Variants in PCDH15 observed in about 807,000 individuals in gnomAD.
The protein encoded by PCDH15 is protocadherin-15.
In PCDH15, 129 loss-of-function variants were observed where a neutral mutation model predicts 178.5. The observed-to-expected ratio is 0.72, with a 90% confidence interval of 0.63 to 0.84. The LOEUF is 0.84. PCDH15 is among the 40% of genes least tolerant of loss of function. The probability of loss-of-function intolerance (pLI) is 0.00; values close to 1 mark genes in which losing one functional copy is unlikely to be tolerated. For missense variants in PCDH15, 2,230 were observed against 2,099.9 expected (o/e 1.06, Z -1.21); for synonymous variants, 800 against 732.0 (o/e 1.09, Z -1.50).
intron 21 of PCDH15, among the ~76,000 whole-genome samples, chr10:53,964,048 T>C (rs1009920761): frequency 6.6e-6 from 1 of 152,242 alleles, no homozygotes; most frequent in Non-Finnish European, 1.5e-5. Flanking sequence ...TCCTTGTTCC[T>C]GCCTCCTTGG....
At chr10:53,874,440 A>G (rs1218508425) in intron 26 of PCDH15, among the ~76,000 whole-genome samples, 1 of 152,172 alleles carries the variant, frequency 6.6e-6, no homozygotes, top group African/African-American at 2.4e-5. Context: ...GTTTGCAGCC[A>G]TTATTTGCCG....
chr10:54,978,559 C>G (rs1372540817), intron 2 of PCDH15, among the ~76,000 whole-genome samples: 4 of 152,018 alleles, frequency 2.6e-5, no homozygotes, highest in African/African-American at 9.7e-5. Flanking sequence ...AACAAAGTTA[C>G]CCTTTTGTAG....
At chr10:54,505,919 T>G (rs1290755643) in intron 3 of PCDH15, among the ~76,000 whole-genome samples, 2 of 152,186 alleles carry the variant, frequency 1.3e-5, no homozygotes, top group Non-Finnish European at 2.9e-5. Flanking sequence ...ATGGTAGATC[T>G]CTCTTCCTAT....
intron 1 of PCDH15, among the ~76,000 whole-genome samples, chr10:55,302,545 T>A (rs1843312971): frequency 6.6e-6 from 1 of 152,082 alleles, no homozygotes; most frequent in Non-Finnish European, 1.5e-5. Context: ...GTAGGCAGAT[T>A]TCTCTCTCCC....
intron 1 of PCDH15, among the ~76,000 whole-genome samples, chr10:54,685,955 T>C (rs2094991576): frequency 6.6e-6 from 1 of 152,096 alleles, no homozygotes; most frequent in African/African-American, 2.4e-5. Context: ...AATATGTGTG[T>C]GTGTGTTTAT....
chr10:55,258,157 G>T (rs1175258108), intron 1 of PCDH15, among the ~76,000 whole-genome samples: 1 of 152,132 alleles, frequency 6.6e-6, no homozygotes, highest in Non-Finnish European at 1.5e-5. Context: ...ATTGGAATTT[G>T]CTATAGGCTT....
Position 54,261,028 on chromosome 10 carries a change from A to C in PCDH15, c.877-24097T>G, listed in dbSNP as rs74524810. Among the ~76,000 whole-genome samples, 5 of 152,318 alleles carry C rather than the reference A, an allele frequency of 3.3e-5. No homozygotes were observed. In the East Asian group the frequency reaches 9.7e-4, roughly 29 times the overall value. The stretch of plus-strand genomic sequence containing the variant: ...AACCTTCATAATGTTCAAACAGTTT[A>C]TATTTCTGCACATATTTTCTATTTA... On this transcript the variant is annotated intron_variant, in intron 8 of 37. Coordinates refer to ENST00000644397, the MANE Select transcript of PCDH15 (RefSeq NM_001384140.1).
intron 2 of PCDH15, among the ~76,000 whole-genome samples, chr10:55,555,035 TTGAAGAAAATCAGTA>T (rs1326586979): frequency 1.1e-4 from 17 of 152,184 alleles, no homozygotes; most frequent in Non-Finnish European, 2.9e-5. Flanking sequence ...TCCTTACTAT[TTGAAGAAAATCAGTA>T]TTTCCATAAT....
intron 2 of PCDH15, among the ~76,000 whole-genome samples, chr10:55,066,994 T>C (rs776362796): frequency 1.4e-4 from 22 of 151,946 alleles, no homozygotes; most frequent in Non-Finnish European, 2.9e-4. Flanking sequence ...TTACACATTC[T>C]ATGCATGTAA....
rs78399649 is a variant in PCDH15 at position 53,813,164 on chromosome 10, C to A, written c.4492-1545G>T. On this transcript the variant is annotated intron_variant, in intron 35 of 37. Coordinates refer to ENST00000644397, the MANE Select transcript of PCDH15 (RefSeq NM_001384140.1). The stretch of plus-strand genomic sequence containing the variant: ...TAGTTGGCTAGATTAATTTTTACAG[C>A]AAGCATGTCCTCTCCTGTTTATGAC... Among the ~76,000 whole-genome samples, 546 of 152,186 alleles carry A rather than the reference C, an allele frequency of 3.6e-3. 20 individuals are homozygous for A. In the East Asian group the frequency reaches 0.085, roughly 24 times the overall value.
chr10:55,197,837 C>T (rs1369939056), intron 1 of PCDH15, among the ~76,000 whole-genome samples: 4 of 151,912 alleles, frequency 2.6e-5, no homozygotes, highest in African/African-American at 7.3e-5. Flanking sequence ...TTTGAATGTA[C>T]CCATTGATAA....
At chr10:53,974,943 C>T (rs918796916) in intron 21 of PCDH15, among the ~76,000 whole-genome samples, 2 of 152,122 alleles carry the variant, frequency 1.3e-5, no homozygotes, top group Non-Finnish European at 2.9e-5. Flanking sequence ...TCCCCCACCT[C>T]CTCTAATAGT....
At chr10:55,045,463 C>A (rs143354713) in intron 2 of PCDH15, among the ~76,000 whole-genome samples, 1 of 152,044 alleles carries the variant, frequency 6.6e-6, no homozygotes, top group Non-Finnish European at 1.5e-5. Flanking sequence ...GAGGAGAAGT[C>A]TTTATTCAGA....
intron 3 of PCDH15, among the ~76,000 whole-genome samples, chr10:54,486,883 A>C (rs917926929): frequency 5.9e-5 from 9 of 151,976 alleles, no homozygotes; most frequent in Non-Finnish European, 8.8e-5. Flanking sequence ...TTAAGCAGCC[A>C]TTATAGACCA....
In PCDH15 at chr10:55,376,469, G is replaced by T. The variant is rs138434427; in HGVS notation, c.-155-209818C>A. 2.1e-3 allele frequency among the ~76,000 whole-genome samples: 323 copies of T among 152,140 alleles called. 1 individual carries two copies. The highest frequency in any genetic ancestry group is 7.5e-3 in the African/African-American group (313 of 41,552). On this transcript the variant is annotated intron_variant, in intron 2 of 5. Coordinates refer to the PCDH15 transcript ENST00000613346. ...CTTTGTCCTTGATTTTTAAAGCAATGATTTCTTTCTACAAGGGCCAGAAGT... is the reference window on the plus strand; with the variant it reads ...CTTTGTCCTTGATTTTTAAAGCAATTATTTCTTTCTACAAGGGCCAGAAGT...
chr10:55,406,068 T>TTA (rs1554863276), intron 2 of PCDH15, among the ~76,000 whole-genome samples: 1 of 143,726 alleles, frequency 7.0e-6, no homozygotes, highest in Non-Finnish European at 1.5e-5. Context: ...TGTTCCCATC[T>TTA]AAAAAAAAAA....
At chr10:55,045,855 C>T (rs1840990484) in intron 2 of PCDH15, among the ~76,000 whole-genome samples, 1 of 151,964 alleles carries the variant, frequency 6.6e-6, no homozygotes, top group African/African-American at 2.4e-5. Context: ...AGCACCATGA[C>T]TCTCACCACA....
chr10:55,182,269 CA>C (rs1359144089), intron 1 of PCDH15, among the ~76,000 whole-genome samples: 3 of 151,862 alleles, frequency 2.0e-5, no homozygotes, highest in Non-Finnish European at 2.9e-5. Context: ...AAAATAACTA[CA>C]AAAAATTACA....
At chr10:54,344,649 A>G in intron 6 of PCDH15, among the ~76,000 whole-genome samples, 1 of 152,152 alleles carries the variant, frequency 6.6e-6, no homozygotes, top group East Asian at 1.9e-4. Context: ...GCGCACACGT[A>G]CAATTAATTC....
Sources: allele counts gnomAD v4.1 joint callset (sites outside exome capture counted in the v4.1 genomes callset), GRCh38; gene constraint gnomAD v4.1.1; transcripts MANE v1.5; gene names NCBI Gene and HGNC (gene_info 2026-07-23, HGNC 2026-07-21).